Variants in MAST2 observed in about 807,000 individuals in gnomAD.
MAST2 encodes the protein microtubule-associated serine/threonine-protein kinase 2.
MAST2 carries 70 observed loss-of-function variants against 147.4 expected under a neutral mutation model. The ratio of observed to expected loss-of-function variants is 0.47; its 90% CI spans 0.39 to 0.58. The LOEUF is 0.58. MAST2 is among the 20% of genes least tolerant of loss of function. The pLI, the probability that MAST2 is intolerant of heterozygous loss-of-function variation, is 0.00. For missense variants in MAST2, 2,080 were observed against 2,302.3 expected (o/e 0.90, Z 1.98); for synonymous variants, 869 against 896.8 (o/e 0.97, Z 0.55).
chr1:45,950,086 A>AG (rs1658713015), intron 4 of MAST2, among the ~76,000 whole-genome samples: 1 of 152,122 alleles, frequency 6.6e-6, no homozygotes, highest in Non-Finnish European at 1.5e-5. Flanking sequence ...GAGAGAGAGG[A>AG]GGGAGAGGAG....
chr1:45,853,364 A>G (rs1645683294), intron 3 of MAST2, among the ~76,000 whole-genome samples: 2 of 151,910 alleles, frequency 1.3e-5, no homozygotes, highest in Non-Finnish European at 1.5e-5. Flanking sequence ...AAAAATAATT[A>G]TTGTTTTTTT....
chr1:45,859,205 C>T (rs1047472391), intron 3 of MAST2, among the ~76,000 whole-genome samples: 1 of 152,166 alleles, frequency 6.6e-6, no homozygotes, highest in African/African-American at 2.4e-5. Flanking sequence ...AGTGATTCAG[C>T]TGTCTCAGCC....
At chr1:45,866,207 G>T (rs1349185012) in intron 3 of MAST2, among the ~76,000 whole-genome samples, 1 of 152,152 alleles carries the variant, frequency 6.6e-6, no homozygotes, top group African/African-American at 2.4e-5. Flanking sequence ...TTCAGAGCCC[G>T]TAGGGAGAAC....
intron 4 of MAST2, among the ~76,000 whole-genome samples, chr1:45,958,880 G>A (rs1261361702): frequency 2.6e-5 from 4 of 152,132 alleles, no homozygotes; most frequent in Admixed American, 6.6e-5. Flanking sequence ...TGGAAAGCCC[G>A]TTTATAGAAG....
chr1:46,008,732 A>G (rs770807022), intron 9 of MAST2, among the ~76,000 whole-genome samples: 2 of 152,238 alleles, frequency 1.3e-5, no homozygotes, highest in African/African-American at 2.4e-5. Flanking sequence ...TCCATGAGTC[A>G]GGGTTCACTC....
rs34830747 is a variant in MAST2, at chr1:45,937,751, CAAAAAAAAAAAA to C, written c.501-21615_501-21604del. ...TGGGAGACAGAGTGAAACTCCATCT[CAAAAAAAAAAAA>C]AAAAAAAAAAAAAAAAAAATTACCC... On this transcript the variant is annotated intron_variant, in intron 4 of 28. Transcript: ENST00000361297. Among the ~76,000 whole-genome samples, 283 of 73,238 alleles carry C rather than the reference CAAAAAAAAAAAA, an allele frequency of 3.9e-3. 2 individuals carry two copies. The highest frequency in any genetic ancestry group is 0.03 in the East Asian group (71 of 2,342). The allele number at this position is 73,238 out of a possible 152,430, so 48.0% of individuals were successfully genotyped here. A position where few individuals can be genotyped will look rare whatever the true frequency, so the allele number is the denominator to read the frequency against.
intron 3 of MAST2, among the ~76,000 whole-genome samples, chr1:45,856,604 TA>T (rs532451191): frequency 6.6e-6 from 1 of 152,190 alleles, no homozygotes; most frequent in East Asian, 1.9e-4. Flanking sequence ...TTCTGTATGT[TA>T]AAAAAACGTT....
chr1:45,847,614 C>T lies in MAST2; in HGVS notation c.468+18033C>T, dbSNP rs567996186. ...CCCTTTGGTGCTTTAGGTATAGTGA[C>T]GTCCTCGCGGCCACAGAGGAGCTCT... On this transcript the variant is annotated intron_variant, in intron 3 of 28. Coordinates refer to ENST00000361297, the MANE Select transcript of MAST2 (RefSeq NM_015112.3). The T allele has an allele frequency of 1.1e-4, 78 of 700,106 alleles. No individual in the cohort carries two copies. The East Asian group carries it at 1.3e-3, about 12-fold the overall frequency. 43.4% of individuals were successfully genotyped at this position (700,106 alleles called of 1,614,324 possible).
At chr1:45,942,894 G>C (rs535689588) in intron 4 of MAST2, among the ~76,000 whole-genome samples, 55 of 152,268 alleles carry the variant, frequency 3.6e-4, no homozygotes, top group Middle Eastern at 3.4e-3. Context: ...AGAGTTTGTT[G>C]CTTCTTAGTG....
chr1:45,846,882 TATAAG>T (rs1349285172), intron 3 of MAST2: 1 of 194,060 alleles, frequency 5.2e-6, no homozygotes, highest in East Asian at 1.7e-4. Context: ...ACTCTCATCA[TATAAG>T]AGAATGTCAA....
intron 3 of MAST2, among the ~76,000 whole-genome samples, chr1:45,842,178 CTG>C (rs1438083252): frequency 5.9e-5 from 9 of 152,132 alleles, no homozygotes; most frequent in Admixed American, 5.9e-4. Context: ...GAATGAGCCA[CTG>C]TACCTGGCTG....
rs796602983 is a variant in MAST2, at chr1:45,858,820, C to T, written c.469-23544C>T. 3.8e-4 allele frequency among the ~76,000 whole-genome samples: 58 copies of T among 152,038 alleles called. No homozygotes were observed. The East Asian group carries it at 8.7e-3, about 23-fold the overall frequency. On this transcript the variant is annotated intron_variant, in intron 3 of 28. Coordinates refer to ENST00000361297, the MANE Select transcript of MAST2 (RefSeq NM_015112.3). ...GTGTAAGGAAGGGATCCAGTTTCAG[C>T]TTTCTACATATGGCTAGCCAGTTTT...
At chr1:45,968,804 C>G (rs1301251041) in intron 5 of MAST2, among the ~76,000 whole-genome samples, 3 of 147,948 alleles carry the variant, frequency 2.0e-5, no homozygotes, top group Non-Finnish European at 4.5e-5. Context: ...CTCTCTTTTT[C>G]TTCTTGTATT....
chr1:46,011,021 G>T, intron 10 of MAST2, 82 bp downstream of exon 10: 2 of 1,226,018 alleles, frequency 1.6e-6, no homozygotes, highest in East Asian at 2.4e-5. Context: ...TAGGGCATTA[G>T]TGGTATTCTC....
At chr1:46,024,010 G>T (rs753228870) in intron 15 of MAST2, 30 bp downstream of exon 15, 16 of 1,607,246 alleles carry the variant, frequency 1.0e-5, no homozygotes, top group Non-Finnish European at 1.4e-5. Flanking sequence ...CTGGCATGGA[G>T]GCCAAGGCAC....
chr1:45,858,125 C>G (rs958384846), intron 3 of MAST2, among the ~76,000 whole-genome samples: 2 of 152,042 alleles, frequency 1.3e-5, no homozygotes, highest in Non-Finnish European at 2.9e-5. Context: ...TGGGTATATA[C>G]CCAGTAATGG....
intron 3 of MAST2, among the ~76,000 whole-genome samples, chr1:45,863,859 A>G (rs1646059485): frequency 6.6e-6 from 1 of 152,232 alleles, no homozygotes; most frequent in Non-Finnish European, 1.5e-5. Flanking sequence ...TAGTTTGGAA[A>G]AAATGATTGA....
At chr1:45,810,751 CGGTGAG>C (rs1553201307) in intron 1 of MAST2, among the ~76,000 whole-genome samples, 3 of 119,414 alleles carry the variant, frequency 2.5e-5, no homozygotes, top group South Asian at 3.2e-4. Flanking sequence ...GTGGAGGTTG[CGGTGAG>C]CCAAGATCGC....
chr1:45,976,220 G>T (rs1398944855), intron 5 of MAST2, among the ~76,000 whole-genome samples: 1 of 151,916 alleles, frequency 6.6e-6, no homozygotes, highest in Non-Finnish European at 1.5e-5. Context: ...CAGGTGATCC[G>T]CCCACCTCAG....
Sources: gnomAD v4.1 joint callset for allele counts (sites outside exome capture counted in the v4.1 genomes callset) on GRCh38, gnomAD v4.1.1 for gene constraint, MANE v1.5 for transcripts, NCBI Gene and HGNC (gene_info 2026-07-23, HGNC 2026-07-21) for gene names.